NLRP2: variants seen among roughly 807,000 people sequenced by gnomAD.
The protein encoded by NLRP2 is NLR family pyrin domain containing 2.
NLRP2 carries 107 observed loss-of-function variants against 97.2 expected under a neutral mutation model. That is an observed-to-expected ratio of 1.10 (90% confidence interval 0.94 to 1.29). The LOEUF is 1.29. Ranked by LOEUF, NLRP2 falls within the 50% of genes most tolerant of loss-of-function variation. NLRP2 has a pLI of 0.00. For synonymous variants in NLRP2, 663 were observed against 551.5 expected (o/e 1.20, Z -2.83); for missense variants, 1,495 against 1,330.3 (o/e 1.12, Z -1.93).
At chr19:54,993,476 T>G (rs1052193128) in intron 10 of NLRP2, 3 of 152,684 alleles carry the variant, frequency 2.0e-5, no homozygotes, top group African/African-American at 7.2e-5. Context: ...TCTGATAATC[T>G]GTGTTGGTTA....
At chr19:54,989,276 G>T (rs970069269) in intron 8 of NLRP2, among the ~76,000 whole-genome samples, 8 of 151,008 alleles carry the variant, frequency 5.3e-5, no homozygotes, top group African/African-American at 1.7e-4. Flanking sequence ...TTTGAGACCA[G>T]CCTGGCCAAC....
rs1254834276 is a variant in NLRP2 at position 54,982,423 on chromosome 19, CG to C, written c.726del (p.Phe243SerfsTer35). ...AACCTCATCCACAAATTCAAATATG[CG>C]TTCTACCTCAGCTGCAGGGAGCTCA... ...EDNLIHKFKYAFYLSCRELSR... is the reference protein window; with the variant it reads ...EDNLIHKFKYXFYLSCRELSR... On this transcript the variant is annotated frameshift_variant, in exon 6 of 13. Transcript: ENST00000448584. LOFTEE classifies it high-confidence loss of function. 1 of 1,613,998 alleles carries C rather than the reference CG, an allele frequency of 6.2e-7. No homozygotes were observed. Among genetic ancestry groups the C allele is most frequent in the African/African-American group, 1.3e-5 (1 of 74,918 alleles).
chr19:54,981,706 G>A (rs554530807), intron 5 of NLRP2, 24 bp downstream of exon 5: 4 of 1,263,900 alleles, frequency 3.2e-6, no homozygotes, highest in African/African-American at 1.5e-5. Context: ...CTTCCTGCAG[G>A]GAGCTTGGGA....
chr19:54,992,541 G>A (rs1195357533), intron 10 of NLRP2, among the ~76,000 whole-genome samples: 3 of 7,142 alleles, frequency 4.2e-4, no homozygotes, highest in Admixed American at 2.8e-3. Flanking sequence ...ATTTTTTTGG[G>A]GGGGGGGGGG....
Position 54,970,141 on chromosome 19 carries a change from C to T in NLRP2, c.126C>T (p.Ile42=), listed in dbSNP as rs371737471. ...TFSLAHELQK[I]PHKEVDKADG... ...CCCTGGCACACGAGCTCCAGAAGAT[C>T]CCCCACAAGGAGGTAGACAAGGCTG... Residue 42 remains isoleucine (I), a synonymous_variant, in exon 2 of 13, where the codon ATC becomes ATT. Transcript: ENST00000448584. The T allele has an allele frequency of 7.8e-5, 126 of 1,613,940 alleles. No homozygotes were observed. The highest frequency in any genetic ancestry group is 1.6e-4 in the South Asian group (15 of 91,084).
At chr19:54,981,191 A>G (rs887056150) in intron 4 of NLRP2, among the ~76,000 whole-genome samples, 1 of 151,898 alleles carries the variant, frequency 6.6e-6, no homozygotes, top group Non-Finnish European at 1.5e-5. Context: ...TTTTATTGAG[A>G]TGGAGTCTTG....
intron 10 of NLRP2, among the ~76,000 whole-genome samples, chr19:54,992,537 TTG>T (rs1491099112): frequency 2.3e-4 from 11 of 47,464 alleles, no homozygotes; most frequent in African/African-American, 6.6e-4. Flanking sequence ...TGGTATTTTT[TTG>T]GGGGGGGGGG....
rs2072655720 is a variant in NLRP2 at position 54,994,026 on chromosome 19, T to G, written c.2709-243T>G. The G allele has an allele frequency of 3.8e-5, 23 of 598,196 alleles. No individual in the cohort carries two copies. The South Asian group carries it at 4.5e-4, about 12-fold the overall frequency. 37.1% of individuals were successfully genotyped at this position (598,196 alleles called of 1,614,324 possible). ...GGACCTACCCAAATAAACCAGGATATAAACCATCTTAAGATGCTCAGTCAC... is the reference window on the plus strand; with the variant it reads ...GGACCTACCCAAATAAACCAGGATAGAAACCATCTTAAGATGCTCAGTCAC... On this transcript the variant is annotated intron_variant, in intron 10 of 12. Coordinates refer to ENST00000448584, the MANE Select transcript of NLRP2 (RefSeq NM_017852.5).
chr19:54,997,593 C>G, intron 12 of NLRP2, 106 bp downstream of exon 12: 5 of 1,194,188 alleles, frequency 4.2e-6, no homozygotes, highest in Non-Finnish European at 6.2e-6. Flanking sequence ...AGCTGGATTA[C>G]AGGTTCCCGC....
chr19:54,988,905 C>T (rs34009761), intron 8 of NLRP2, among the ~76,000 whole-genome samples: 43,543 of 151,872 alleles, frequency 0.29, 6,879 homozygotes, highest in African/African-American at 0.37. Context: ...TATGGTGGCT[C>T]CTGCCTGTAA....
At position 54,982,886 on chromosome 19, in the gene NLRP2, G is replaced by A. The variant is rs754592088; in HGVS notation, c.1188G>A (p.Ser396=). 3.4e-5 allele frequency: 55 copies of A among 1,612,882 alleles called. No homozygotes were observed. Among genetic ancestry groups the A allele is most frequent in the Middle Eastern group, 1.9e-4 (1 of 5,268 alleles). Residue 396 remains serine, a synonymous_variant, in exon 6 of 13, where the codon TCG becomes TCA. Transcript: ENST00000448584. ...RSNAALFQLG[S]APAVCWIVCT... ...ACGCGGCCCTGTTCCAGCTGGGCTC[G>A]GCCCCCGCGGTGTGCTGGATCGTGT...
At chr19:54,966,317 T>G (rs1455669214), upstream of NLRP2, 4 of 148,168 alleles carry the variant, frequency 2.7e-5, no homozygotes, top group Non-Finnish European at 6.0e-5. Context: ...CCAAAAGACC[T>G]CTCAGTAATT....
intron 11 of NLRP2, among the ~76,000 whole-genome samples, chr19:54,996,103 AG>A (rs1235587247): frequency 6.6e-6 from 1 of 150,466 alleles, no homozygotes; most frequent in African/African-American, 2.4e-5. Flanking sequence ...CGTGTAGAGG[AG>A]CAAAAAGTTT....
intron 2 of NLRP2, among the ~76,000 whole-genome samples, chr19:54,971,146 T>C (rs891827366): frequency 2.0e-5 from 3 of 151,344 alleles, no homozygotes; most frequent in Non-Finnish European, 4.4e-5. Context: ...ACAAAGGACA[T>C]GAACTCATCA....
At chr19:54,984,915 T>C in intron 6 of NLRP2, 132 bp from the exon 7 acceptor site, 1 of 830,268 alleles carries the variant, frequency 1.2e-6, no homozygotes, top group Non-Finnish European at 2.1e-6. Context: ...CTGATGGTGG[T>C]GCTAATAAGT....
intron 4 of NLRP2, among the ~76,000 whole-genome samples, chr19:54,981,410 ACCC>A: frequency 6.6e-6 from 1 of 151,458 alleles, no homozygotes; most frequent in Admixed American, 6.6e-5. Context: ...CAAGTGATCC[ACCC>A]CACCTCAGCC....
At chr19:54,986,521 C>G (rs1428267506) in intron 8 of NLRP2, 5 of 604,272 alleles carry the variant, frequency 8.3e-6, no homozygotes, top group African/African-American at 1.9e-5. Context: ...ACGTGAGGAC[C>G]CTGAATCCAA....
chr19:54,994,844 G>A (rs2072717010), intron 11 of NLRP2, among the ~76,000 whole-genome samples: 1 of 151,512 alleles, frequency 6.6e-6, no homozygotes, highest in African/African-American at 2.4e-5. Flanking sequence ...CCTGACCTCA[G>A]GTGATCCGCC....
At chr19:54,999,652 A>ATCG (rs200872944) in intron 12 of NLRP2, among the ~76,000 whole-genome samples, 1,317 of 75,936 alleles carry the variant, frequency 0.017, 14 homozygotes, top group African/African-American at 0.05. Flanking sequence ...GTTTTTCTCT[A>ATCG]TCAGATCAAC....
Sources: gnomAD v4.1 joint callset for allele counts (sites outside exome capture counted in the v4.1 genomes callset) on GRCh38, gnomAD v4.1.1 for gene constraint, MANE v1.5 for transcripts, NCBI Gene and HGNC (gene_info 2026-07-23, HGNC 2026-07-21) for gene names.